Variants in ERH observed in about 807,000 individuals in gnomAD.
The protein encoded by ERH is enhancer of rudimentary homolog.
A neutral mutation model predicts 16.8 loss-of-function variants in ERH; 1 was observed. That is an observed-to-expected ratio of 0.06 (90% CI 0.02 to 0.28). The LOEUF is 0.28. ERH is among the 10% of genes least tolerant of loss of function. ERH has a pLI of 1.00. For synonymous variants in ERH, 43 were observed against 43.6 expected (o/e 0.99, Z 0.05); for missense variants, 42 against 127.5 (o/e 0.33, Z 3.23).
intron 3 of ERH, among the ~76,000 whole-genome samples, chr14:69,381,329 T>TA (rs1161730244): frequency 6.6e-6 from 1 of 152,202 alleles, no homozygotes; most frequent in African/African-American, 2.4e-5. Context: ...CTGAATTAAC[T>TA]AAAAAACCTT....
chr14:69,389,763 T>G (rs2045913991), intron 2 of ERH, among the ~76,000 whole-genome samples: 1 of 152,112 alleles, frequency 6.6e-6, no homozygotes, highest in Non-Finnish European at 1.5e-5. Flanking sequence ...CTATAAAATG[T>G]CATGGAAGGA....
intron 1 of ERH, among the ~76,000 whole-genome samples, chr14:69,396,338 C>T (rs1037303391): frequency 6.6e-6 from 1 of 152,234 alleles, no homozygotes; most frequent in Non-Finnish European, 1.5e-5. Context: ...CTCAGCTCAC[C>T]GCAACCTCTG....
intron 3 of ERH, among the ~76,000 whole-genome samples, chr14:69,383,968 C>A (rs1176845391): frequency 3.3e-5 from 5 of 152,068 alleles, no homozygotes; most frequent in Non-Finnish European, 7.4e-5. Context: ...GGTAATATAG[C>A]AAGACCCTGT....
chr14:69,384,708 AACAAC>A (rs140434598), intron 3 of ERH, among the ~76,000 whole-genome samples: 28,339 of 152,080 alleles, frequency 0.19, 2,720 homozygotes, highest in South Asian at 0.26. Flanking sequence ...TTCCTCAAAT[AACAAC>A]ACAAGTGACG....
chr14:69,390,151 C>T (rs2045915901), intron 2 of ERH, among the ~76,000 whole-genome samples: 2 of 152,228 alleles, frequency 1.3e-5, no homozygotes, highest in South Asian at 4.1e-4. Context: ...CTCAGATGAT[C>T]TACGGATTCA....
At chr14:69,384,478 C>G (rs1426457894) in intron 3 of ERH, among the ~76,000 whole-genome samples, 2 of 152,186 alleles carry the variant, frequency 1.3e-5, no homozygotes, top group Non-Finnish European at 2.9e-5. Flanking sequence ...TAACCACAGC[C>G]TCCCAAGACA....
chr14:69,391,320 C>T (rs911882735), intron 2 of ERH, among the ~76,000 whole-genome samples: 3 of 151,950 alleles, frequency 2.0e-5, no homozygotes, highest in Non-Finnish European at 4.4e-5. Flanking sequence ...GCTATGCAGC[C>T]ACACACACAA....
intron 2 of ERH, 42 bp from the exon 3 acceptor site, chr14:69,387,125 T>C: frequency 1.3e-6 from 2 of 1,581,872 alleles, no homozygotes; most frequent in Non-Finnish European, 1.7e-6. Context: ...TACAATCGCA[T>C]ACACTTCTAG....
chr14:69,391,240 T>C (rs1009438641), intron 2 of ERH, among the ~76,000 whole-genome samples: 2 of 152,190 alleles, frequency 1.3e-5, no homozygotes, highest in East Asian at 3.8e-4. Flanking sequence ...TGCTCTTCAA[T>C]AAGTGAATGG....
At chr14:69,397,689 CG>C (rs1882386935) in intron 1 of ERH, among the ~76,000 whole-genome samples, 1 of 152,104 alleles carries the variant, frequency 6.6e-6, no homozygotes, top group African/African-American at 2.4e-5. Flanking sequence ...GATGCCGAGG[CG>C]GGTGGATTGC....
chr14:69,398,212 C>T lies in ERH; in HGVS notation c.3+19G>A, dbSNP rs776761636. The T allele has an allele frequency of 5.6e-6, 9 of 1,613,980 alleles. No individual in the cohort carries two copies. Among genetic ancestry groups the T allele is most frequent in the Non-Finnish European group, 7.6e-6 (9 of 1,179,994 alleles). ...AGGCCGGGGACTCGGACTCGGGTAG[C>T]CGCGGAGGCCTTTCTCACCATCGCG... On this transcript the variant is annotated intron_variant, in intron 1 of 3. Coordinates refer to ENST00000557016, the MANE Select transcript of ERH (RefSeq NM_004450.3).
At chr14:69,389,984 C>G (rs1261122012) in intron 2 of ERH, among the ~76,000 whole-genome samples, 1 of 151,580 alleles carries the variant, frequency 6.6e-6, no homozygotes, top group Non-Finnish European at 1.5e-5. Flanking sequence ...GTCTCAAACT[C>G]CTGGGCTCAA....
chr14:69,394,962 T>C (rs1254120029), intron 1 of ERH, 50 bp from the exon 2 acceptor site: 1 of 1,312,516 alleles, frequency 7.6e-7, no homozygotes, highest in South Asian at 1.3e-5. Context: ...GAGAAATTCA[T>C]AGTATGATAA....
intron 3 of ERH, among the ~76,000 whole-genome samples, chr14:69,382,789 C>CAA (rs1278831093): frequency 1.9e-5 from 2 of 103,118 alleles, no homozygotes; most frequent in African/African-American, 3.7e-5. Flanking sequence ...ACTCTATCTC[C>CAA]AAAAGAAAAA....
chr14:69,391,316 C>A (rs1235525095), intron 2 of ERH, among the ~76,000 whole-genome samples: 2 of 152,056 alleles, frequency 1.3e-5, no homozygotes, highest in African/African-American at 4.8e-5. Flanking sequence ...ATCAGCTATG[C>A]AGCCACACAC....
chr14:69,390,404 C>T (rs984031232), intron 2 of ERH, among the ~76,000 whole-genome samples: 3 of 152,096 alleles, frequency 2.0e-5, no homozygotes, highest in Non-Finnish European at 4.4e-5. Context: ...AGAAACAAAC[C>T]CTCACATTTA....
Position 69,398,230 on chromosome 14 carries a change from C to A in ERH, c.3+1G>T. 1 of 1,614,082 alleles carries A rather than the reference C, an allele frequency of 6.2e-7. No homozygotes were observed. Among genetic ancestry groups the A allele is most frequent in the Non-Finnish European group, 8.5e-7 (1 of 1,180,012 alleles). ...CGGGTAGCCGCGGAGGCCTTTCTCA[C>A]CATCGCGCCAAACTCTCTTCGCTAC... On this transcript the variant is annotated splice_donor_variant, in intron 1 of 3. Transcript: ENST00000557016. LOFTEE classifies it high-confidence loss of function.
chr14:69,394,079 AC>A (rs1882280815), intron 2 of ERH, among the ~76,000 whole-genome samples: 2 of 152,118 alleles, frequency 1.3e-5, no homozygotes, highest in Non-Finnish European at 2.9e-5. Flanking sequence ...ATATAAGAAG[AC>A]TACACTTGTA....
intron 3 of ERH, among the ~76,000 whole-genome samples, chr14:69,385,527 T>A (rs1214018791): frequency 6.6e-6 from 1 of 151,840 alleles, no homozygotes; most frequent in Non-Finnish European, 1.5e-5. Flanking sequence ...CCTTCTCTGG[T>A]ACATCATCCC....
Sources: gnomAD v4.1 joint callset for allele counts (sites outside exome capture counted in the v4.1 genomes callset) on GRCh38, gnomAD v4.1.1 for gene constraint, MANE v1.5 for transcripts, NCBI Gene and HGNC (gene_info 2026-07-23, HGNC 2026-07-21) for gene names.